Variants in CRYZ observed in about 807,000 individuals in gnomAD.
CRYZ encodes crystallin zeta.
In CRYZ, 35 loss-of-function variants were observed where a neutral mutation model predicts 34.1. The ratio of observed to expected loss-of-function variants is 1.03; its 90% confidence interval spans 0.78 to 1.36. The LOEUF is 1.36. Ranked by LOEUF, CRYZ falls within the 40% of genes most tolerant of loss-of-function variation. CRYZ has a pLI of 0.00. For missense variants in CRYZ, 403 were observed against 391.8 expected (o/e 1.03, Z -0.24); for synonymous variants, 137 against 136.5 (o/e 1.00, Z -0.03).
intron 6 of CRYZ, chr1:74,708,727 A>C (rs558002784): frequency 2.6e-5 from 4 of 152,328 alleles, no homozygotes; most frequent in African/African-American, 9.6e-5. Flanking sequence ...AAGTGAACTC[A>C]GGCCAAAGAC....
chr1:74,716,443 A>C (rs1647076848), intron 4 of CRYZ, among the ~76,000 whole-genome samples: 1 of 151,878 alleles, frequency 6.6e-6, no homozygotes, highest in Admixed American at 6.6e-5. Context: ...TCTTCTAGTC[A>C]CTGAAGACTA....
chr1:74,710,172 G>A lies in CRYZ; in HGVS notation c.556C>T (p.Gln186Ter), dbSNP rs955076361. The A allele has an allele frequency of 2.5e-6, 4 of 1,613,662 alleles. No individual in the cohort carries two copies. The highest frequency in any genetic ancestry group is 3.4e-6 in the Non-Finnish European group (4 of 1,179,814). ...ILGTAGTEEG[Q>*]KIVLQNGAHE... ...GCTCCATTTTGCAAAACAATCTTTT[G>A]TCCTTCCTCAGTACCAGCAGTGCCC... Residue 186 changes from glutamine (Q) to a stop codon, truncating the protein, a stop_gained, in exon 6 of 9, where the codon CAA becomes TAA. Transcript: ENST00000340866. LOFTEE classifies it high-confidence loss of function.
chr1:74,714,723 C>G, intron 4 of CRYZ, 93 bp from the exon 5 acceptor site: 4 of 1,242,400 alleles, frequency 3.2e-6, no homozygotes, highest in Non-Finnish European at 4.7e-6. Context: ...TACCCCTAGT[C>G]TGGCTAACAC....
At chr1:74,730,019 G>A (rs554623532) in intron 1 of CRYZ, among the ~76,000 whole-genome samples, 4 of 151,646 alleles carry the variant, frequency 2.6e-5, no homozygotes, top group East Asian at 3.9e-4. Flanking sequence ...TTCCATTTTC[G>A]ATATCTACCT....
intron 5 of CRYZ, among the ~76,000 whole-genome samples, chr1:74,710,848 G>A (rs1438838313): frequency 6.6e-6 from 1 of 152,136 alleles, no homozygotes; most frequent in Non-Finnish European, 1.5e-5. Flanking sequence ...TAAGGGTGGA[G>A]GAAGATAATA....
chr1:74,727,772 T>C (rs1045282020), intron 1 of CRYZ, among the ~76,000 whole-genome samples: 1 of 152,024 alleles, frequency 6.6e-6, no homozygotes, highest in Non-Finnish European at 1.5e-5. Flanking sequence ...GTGGGAATTA[T>C]GGGAGCTACA....
chr1:74,723,121 G>A lies in CRYZ; in HGVS notation c.261C>T (p.Phe87=), dbSNP rs372014596. ...IEAVGDNASA[F]KKGDRVFTSS... The stretch of plus-strand genomic sequence containing the variant: ...GAAATAATTAAAAATGCAATACCTT[G>A]AAAGCAGATGCATTATCTCCAACAG... The change falls in exon 3 of 9, where the codon TTC becomes TTT. Residue 87 remains phenylalanine, a synonymous_variant. Transcript: ENST00000340866. 676 of 1,610,710 alleles carry A rather than the reference G, an allele frequency of 4.2e-4. 8 individuals carry two copies. In the South Asian group the frequency reaches 7.2e-3, roughly 17 times the overall value.
chr1:74,727,687 C>T (rs1391943661), intron 1 of CRYZ, among the ~76,000 whole-genome samples: 2 of 145,908 alleles, frequency 1.4e-5, no homozygotes, highest in African/African-American at 5.1e-5. Flanking sequence ...TCTCATGAGA[C>T]TTACTATCAT....
At position 74,722,610 on chromosome 1, in the gene CRYZ, G is replaced by A. The variant is rs72675399; in HGVS notation, c.264+508C>T. Among the ~76,000 whole-genome samples, 24 of 62,660 alleles carry A rather than the reference G, an allele frequency of 3.8e-4. 1 individual carries two copies. Among genetic ancestry groups the A allele is most frequent in the South Asian group, 3.3e-3 (8 of 2,428 alleles). The allele number at this position is 62,660 out of a possible 152,430, so 41.1% of individuals were successfully genotyped here. A position where few individuals can be genotyped will look rare whatever the true frequency, so the allele number is the denominator to read the frequency against. ...TCTTTGGGCATATATATATATATAT[G>A]TGTGTGTGTGTATATATATATATCC... On this transcript the variant is annotated intron_variant, in intron 3 of 8. Coordinates refer to ENST00000340866, the MANE Select transcript of CRYZ (RefSeq NM_001889.4).
chr1:74,717,275 CCTT>C (rs1647090725), intron 4 of CRYZ, among the ~76,000 whole-genome samples: 1 of 152,066 alleles, frequency 6.6e-6, no homozygotes. Flanking sequence ...CCTCAAGTAA[CCTT>C]CTACTCTCTC....
rs1646925772 is a variant in CRYZ at position 74,706,231 on chromosome 1, G to A, written c.*65C>T. The A allele has an allele frequency of 7.6e-7, 1 of 1,313,892 alleles. No homozygotes were observed. The highest frequency in any genetic ancestry group is 1.0e-6 in the Non-Finnish European group (1 of 972,260). 81.4% of individuals were successfully genotyped at this position (1,313,892 alleles called of 1,614,324 possible). On this transcript the variant is annotated 3_prime_UTR_variant, in exon 9 of 9. Coordinates refer to ENST00000340866, the MANE Select transcript of CRYZ (RefSeq NM_001889.4). ...GAATGTTAATTAAAGAAAAGATAGG[G>A]TAAGTACAACTGGGGGAAAGACAGT...
At chr1:74,707,911 C>T (rs1646951258) in intron 6 of CRYZ, 1 of 151,940 alleles carries the variant, frequency 6.6e-6, no homozygotes, top group Admixed American at 6.6e-5. Context: ...AAGTAATGGG[C>T]TAAGTAACAC....
intron 1 of CRYZ, among the ~76,000 whole-genome samples, chr1:74,730,184 C>G (rs997056199): frequency 2.0e-5 from 3 of 152,180 alleles, no homozygotes; most frequent in African/African-American, 7.2e-5. Flanking sequence ...AGGAAGATGA[C>G]TCATCCTACT....
intron 5 of CRYZ, 23 bp from the exon 6 acceptor site, chr1:74,710,270 G>A: frequency 6.2e-7 from 1 of 1,612,112 alleles, no homozygotes; most frequent in African/African-American, 1.3e-5. Flanking sequence ...TATAACCCAA[G>A]AGTTATATAT....
At chr1:74,727,854 A>C (rs1647466040) in intron 1 of CRYZ, among the ~76,000 whole-genome samples, 1 of 152,182 alleles carries the variant, frequency 6.6e-6, no homozygotes, top group Non-Finnish European at 1.5e-5. Flanking sequence ...TAACATTTAA[A>C]AAACCTAAAC....
At chr1:74,732,039 C>T (rs748785425) in intron 1 of CRYZ, among the ~76,000 whole-genome samples, 31 of 152,194 alleles carry the variant, frequency 2.0e-4, no homozygotes, top group Admixed American at 3.9e-4. Context: ...GACAAAAAAT[C>T]CCCCACAGCT....
chr1:74,715,073 T>A (rs545851116), intron 4 of CRYZ, among the ~76,000 whole-genome samples: 1 of 152,196 alleles, frequency 6.6e-6, no homozygotes, highest in East Asian at 1.9e-4. Flanking sequence ...CAGTAGCTAT[T>A]TTTTTTGCCC....
chr1:74,728,393 C>T (rs963919369), intron 1 of CRYZ, among the ~76,000 whole-genome samples: 10 of 152,120 alleles, frequency 6.6e-5, no homozygotes, highest in African/African-American at 2.2e-4. Context: ...AATTTTTGTA[C>T]CTGTAAAGAT....
chr1:74,706,840 G>A lies in CRYZ; in HGVS notation c.828+59C>T. ...ATCTATTCAAACTTTCAGCTTGCCT[G>A]AGTAGGCAAACTGTACCAATGTTTA... On this transcript the variant is annotated intron_variant, in intron 8 of 8. Transcript: ENST00000340866. 3 of 1,390,366 alleles carry A rather than the reference G, an allele frequency of 2.2e-6. No homozygotes were observed. In the South Asian group the frequency reaches 3.5e-5, roughly 16 times the overall value. The allele number at this position is 1,390,366 out of a possible 1,614,324, so 86.1% of individuals were successfully genotyped here. A position where few individuals can be genotyped will look rare whatever the true frequency, so the allele number is the denominator to read the frequency against.
Sources: gnomAD v4.1 joint callset for allele counts (sites outside exome capture counted in the v4.1 genomes callset) on GRCh38, gnomAD v4.1.1 for gene constraint, MANE v1.5 for transcripts, NCBI Gene and HGNC (gene_info 2026-07-23, HGNC 2026-07-21) for gene names.